RBM20: variants seen among roughly 807,000 people sequenced by gnomAD.
RBM20 encodes RNA binding motif protein 20.
RBM20 carries 51 observed loss-of-function variants against 110.1 expected under a neutral mutation model. The ratio of observed to expected loss-of-function variants is 0.46; its 90% confidence interval spans 0.37 to 0.59. RBM20 has a LOEUF of 0.59. Among genes scored for constraint, RBM20 ranks in the 20% least tolerant of loss-of-function variants. The pLI is 0.00. For missense variants in RBM20, 1,512 were observed against 1,574.9 expected, an observed-to-expected ratio of 0.96 and a Z score of 0.68; for synonymous variants, 589 against 618.2, an observed-to-expected ratio of 0.95 and a Z score of 0.70.
chr10:110,688,180 T>C (rs1163058161), intron 1 of RBM20, among the ~76,000 whole-genome samples: 11 of 152,226 alleles, frequency 7.2e-5, no homozygotes, highest in Admixed American at 3.3e-4. Context: ...ATCTGCAGTT[T>C]TGAAATACAA....
chr10:110,688,627 A>C (rs1028169715), intron 1 of RBM20, among the ~76,000 whole-genome samples: 2 of 152,228 alleles, frequency 1.3e-5, no homozygotes, highest in African/African-American at 4.8e-5. Context: ...ATTTAAAAAA[A>C]AAGCACTGTT....
At chr10:110,678,745 G>A (rs1862378568) in intron 1 of RBM20, among the ~76,000 whole-genome samples, 1 of 152,178 alleles carries the variant, frequency 6.6e-6, no homozygotes, top group Admixed American at 6.5e-5. Flanking sequence ...GAAGCAGTGG[G>A]CAATAGGAGA....
intron 5 of RBM20, 27 bp from the exon 6 acceptor site, chr10:110,797,481 A>G: frequency 2.0e-6 from 3 of 1,519,712 alleles, no homozygotes; most frequent in Non-Finnish European, 2.7e-6. Context: ...TCTTCTGAAT[A>G]CCACTAATGA....
rs1488137462 is a variant in RBM20 at position 110,805,021 on chromosome 10, T to G, written c.1800+5103T>G. Among the ~76,000 whole-genome samples the G allele has an allele frequency of 3.3e-5, 5 of 152,194 alleles. No individual in the cohort carries two copies. The East Asian group carries it at 9.6e-4, about 29-fold the overall frequency. The stretch of plus-strand genomic sequence containing the variant: ...CTTCTGGCCCTGGGAAGCAGTCTTG[T>G]GAATGGTCCATGGTGCTCTCAGTTG... On this transcript the variant is annotated intron_variant, in intron 7 of 13. Coordinates refer to ENST00000369519, the MANE Select transcript of RBM20 (RefSeq NM_001134363.3).
intron 5 of RBM20, 141 bp from the exon 6 acceptor site, chr10:110,797,367 A>C: frequency 1.3e-6 from 1 of 742,028 alleles, no homozygotes; most frequent in Admixed American, 3.3e-5. Flanking sequence ...GTGTCTGTGA[A>C]TGGATTTTTT....
At chr10:110,809,800 C>G (rs1844742132) in intron 7 of RBM20, among the ~76,000 whole-genome samples, 1 of 152,176 alleles carries the variant, frequency 6.6e-6, no homozygotes, top group African/African-American at 2.4e-5. Flanking sequence ...GGTGTCAGGT[C>G]CTGATTCTTT....
chr10:110,648,340 C>T (rs1308013592), intron 1 of RBM20, among the ~76,000 whole-genome samples: 4 of 152,182 alleles, frequency 2.6e-5, no homozygotes, highest in Non-Finnish European at 5.9e-5. Context: ...TTTACAGACT[C>T]TAATTTTACA....
intron 11 of RBM20, among the ~76,000 whole-genome samples, chr10:110,823,252 GC>G (rs1844937445): frequency 6.6e-6 from 1 of 152,208 alleles, no homozygotes; most frequent in Admixed American, 6.5e-5. Context: ...GCAAACATTT[GC>G]CAAGTTTTAT....
At chr10:110,687,073 C>T (rs1039715231) in intron 1 of RBM20, among the ~76,000 whole-genome samples, 1 of 151,386 alleles carries the variant, frequency 6.6e-6, no homozygotes, top group African/African-American at 2.4e-5. Context: ...AATTTGTGTT[C>T]CTTGTATAAG....
At chr10:110,702,510 C>T (rs957305) in intron 1 of RBM20, among the ~76,000 whole-genome samples, 17,553 of 152,100 alleles carry the variant, frequency 0.12, 1,182 homozygotes, top group African/African-American at 0.17. Context: ...CACTGCAGCC[C>T]GGGGCGACAC....
chr10:110,752,096 C>T (rs1012989993), intron 1 of RBM20, among the ~76,000 whole-genome samples: 7 of 152,134 alleles, frequency 4.6e-5, no homozygotes, highest in Non-Finnish European at 1.0e-4. Context: ...TAGTGGTGTA[C>T]GTTCTGTGGG....
intron 5 of RBM20, among the ~76,000 whole-genome samples, chr10:110,792,272 TC>T (rs1272222921): frequency 6.6e-6 from 1 of 152,200 alleles, no homozygotes; most frequent in Non-Finnish European, 1.5e-5. Context: ...CCTCTTCACT[TC>T]TTTTTCAGCA....
chr10:110,689,901 T>C (rs1381010517), intron 1 of RBM20, among the ~76,000 whole-genome samples: 1 of 152,244 alleles, frequency 6.6e-6, no homozygotes, highest in East Asian at 1.9e-4. Flanking sequence ...GCTTTTCATC[T>C]GATTGTCAAT....
At chr10:110,815,621 C>G (rs956557116) in intron 9 of RBM20, among the ~76,000 whole-genome samples, 2 of 152,206 alleles carry the variant, frequency 1.3e-5, no homozygotes, top group African/African-American at 4.8e-5. Flanking sequence ...CTCTCTCCCC[C>G]AAGGCTGAGA....
chr10:110,759,653 A>G (rs373623587), intron 1 of RBM20, among the ~76,000 whole-genome samples: 6 of 152,138 alleles, frequency 3.9e-5, no homozygotes, highest in African/African-American at 1.2e-4. Flanking sequence ...TCCATCCAGC[A>G]TGGATGGAGA....
intron 9 of RBM20, among the ~76,000 whole-genome samples, chr10:110,817,201 G>A (rs943097123): frequency 1.2e-4 from 19 of 152,198 alleles, no homozygotes; most frequent in African/African-American, 1.7e-4. Context: ...CTGAGAAAGT[G>A]GTGCCATCTG....
chr10:110,780,682 TG>T, intron 1 of RBM20, 118 bp from the exon 2 acceptor site: 1 of 1,154,086 alleles, frequency 8.7e-7, no homozygotes, highest in Non-Finnish European at 1.2e-6. Flanking sequence ...CACTTGTATG[TG>T]GGACCAGTGT....
At chr10:110,773,073 A>G (rs34421837) in intron 1 of RBM20, among the ~76,000 whole-genome samples, 3,799 of 152,272 alleles carry the variant, frequency 0.025, 58 homozygotes, top group South Asian at 0.043. Context: ...AGGTCTTCTG[A>G]TTTCTAGCTT....
chr10:110,835,328 C>CTTTTTTTTTTTTTTTTT (rs1318271687), intron 13 of RBM20: 1 of 106,674 alleles, frequency 9.4e-6, no homozygotes, highest in African/African-American at 3.6e-5. Context: ...TTCTTTTTTT[C>CTTTTTTTTTTTTTTTTT]TTTTTTTTTT....
Sources: allele counts gnomAD v4.1 joint callset (sites outside exome capture counted in the v4.1 genomes callset), GRCh38; gene constraint gnomAD v4.1.1; transcripts MANE v1.5; gene names NCBI Gene and HGNC (gene_info 2026-07-23, HGNC 2026-07-21).